The following ST6GALNAC3 variants were observed in gnomAD, a reference collection of about 807,000 sequenced individuals.
ST6GALNAC3 encodes ST6 N-acetylgalactosaminide alpha-2,6-sialyltransferase 3, also known as alpha-N-acetylgalactosaminide alpha-2,6-sialyltransferase 3.
Under a neutral mutation model 32.7 loss-of-function variants are expected in ST6GALNAC3, and 25 were observed. That is an observed-to-expected ratio of 0.76 (90% confidence interval 0.56 to 1.07). The LOEUF (loss-of-function observed/expected upper bound fraction) is 1.07. ST6GALNAC3 is among the 50% of genes least tolerant of loss of function. The probability of loss-of-function intolerance (pLI) is 0.00; values close to 1 mark genes in which losing one functional copy is unlikely to be tolerated. For missense variants in ST6GALNAC3, 355 were observed against 382.4 expected (o/e 0.93, Z 0.60); for synonymous variants, 129 against 133.1 (o/e 0.97, Z 0.21).
At chr1:76,536,444 T>G in intron 3 of ST6GALNAC3, among the ~76,000 whole-genome samples, 1 of 151,816 alleles carries the variant, frequency 6.6e-6, no homozygotes, top group East Asian at 1.9e-4. Flanking sequence ...GAAGGAGAAG[T>G]GCAAAGCAAA....
Position 76,156,974 on chromosome 1 carries a change from G to A in ST6GALNAC3, c.18+82090G>A, listed in dbSNP as rs574719258. On this transcript the variant is annotated intron_variant, in intron 1 of 4. Transcript: ENST00000328299. ...TCTCAATCTTCTGACCTCGTGATCT[G>A]CCCGCCTTGGCCTCCCAAAGTGCTG... is the stretch of plus-strand genomic sequence containing the variant. Among the ~76,000 whole-genome samples, 7 of 152,234 alleles carry A rather than the reference G, an allele frequency of 4.6e-5. No individual in the cohort carries two copies. The East Asian group carries it at 9.7e-4, about 21-fold the overall frequency.
chr1:76,553,409 A>T (rs1054283303), intron 3 of ST6GALNAC3, among the ~76,000 whole-genome samples: 2 of 152,146 alleles, frequency 1.3e-5, no homozygotes, highest in African/African-American at 4.8e-5. Flanking sequence ...ATCAGCCAAG[A>T]ATTTCTGGAG....
At position 76,257,647 on chromosome 1, in the gene ST6GALNAC3, C is replaced by T. The variant is rs573379854; in HGVS notation, c.19-56158C>T. 3.9e-5 allele frequency among the ~76,000 whole-genome samples: 6 copies of T among 152,206 alleles called. No individual in the cohort carries two copies. In the South Asian group the frequency reaches 8.3e-4, roughly 21 times the overall value. ...ATCTCTTCCCCATTTACTCTTTCATCGCCCCACTTTGGGTTCTTCTGCTCT... is the reference window on the plus strand; with the variant it reads ...ATCTCTTCCCCATTTACTCTTTCATTGCCCCACTTTGGGTTCTTCTGCTCT... On this transcript the variant is annotated intron_variant, in intron 1 of 4. Coordinates refer to ENST00000328299, the MANE Select transcript of ST6GALNAC3 (RefSeq NM_152996.4).
At chr1:76,270,922 A>C (rs950567292) in intron 1 of ST6GALNAC3, among the ~76,000 whole-genome samples, 1 of 152,184 alleles carries the variant, frequency 6.6e-6, no homozygotes, top group African/African-American at 2.4e-5. Context: ...AGAAATGTAG[A>C]ATTTTATTGT....
intron 2 of ST6GALNAC3, among the ~76,000 whole-genome samples, chr1:76,314,991 C>T (rs973039152): frequency 6.6e-6 from 1 of 152,054 alleles, no homozygotes; most frequent in Non-Finnish European, 1.5e-5. Flanking sequence ...TAGTCAATCT[C>T]ATATCTGAGT....
At chr1:76,149,460 C>T (rs1042228320) in intron 1 of ST6GALNAC3, among the ~76,000 whole-genome samples, 11 of 152,138 alleles carry the variant, frequency 7.2e-5, no homozygotes, top group Non-Finnish European at 1.2e-4. Flanking sequence ...CCCACTTCCC[C>T]GCCCCACCAG....
intron 2 of ST6GALNAC3, among the ~76,000 whole-genome samples, chr1:76,361,713 T>C (rs1471738082): frequency 6.6e-6 from 1 of 152,148 alleles, no homozygotes; most frequent in Non-Finnish European, 1.5e-5. Flanking sequence ...GCATGGTGGC[T>C]TATGCCTGTA....
intron 3 of ST6GALNAC3, among the ~76,000 whole-genome samples, chr1:76,623,368 C>T (rs1648764149): frequency 6.6e-6 from 1 of 151,896 alleles, no homozygotes; most frequent in African/African-American, 2.4e-5. Flanking sequence ...TTATTTTCCC[C>T]TGCATGGCCC....
At chr1:76,614,549 C>A (rs1296857286) in intron 3 of ST6GALNAC3, among the ~76,000 whole-genome samples, 1 of 151,848 alleles carries the variant, frequency 6.6e-6, no homozygotes, top group Admixed American at 6.6e-5. Context: ...GAAACCCCGC[C>A]TCTACTAACA....
intron 1 of ST6GALNAC3, among the ~76,000 whole-genome samples, chr1:76,156,372 C>G (rs1651424548): frequency 1.3e-5 from 2 of 152,132 alleles, no homozygotes; most frequent in South Asian, 4.1e-4. Context: ...ATATTCCACC[C>G]TCAGAGAGCA....
At chr1:76,535,750 G>A (rs797001607) in intron 3 of ST6GALNAC3, among the ~76,000 whole-genome samples, 7 of 152,114 alleles carry the variant, frequency 4.6e-5, no homozygotes, top group African/African-American at 1.7e-4. Flanking sequence ...CCAAATATTG[G>A]ATAAACCATT....
chr1:76,402,545 C>A (rs1321458047), intron 2 of ST6GALNAC3, among the ~76,000 whole-genome samples: 3 of 152,106 alleles, frequency 2.0e-5, no homozygotes, highest in Non-Finnish European at 4.4e-5. Flanking sequence ...CCTCTGTGTT[C>A]CAGAATATTA....
chr1:76,557,063 G>GT, intron 3 of ST6GALNAC3, among the ~76,000 whole-genome samples: 1 of 108,470 alleles, frequency 9.2e-6, no homozygotes, highest in South Asian at 2.6e-4. Context: ...TGAGGAAGGT[G>GT]TCTAACTTCA....
intron 1 of ST6GALNAC3, among the ~76,000 whole-genome samples, chr1:76,078,788 TA>T (rs1266983225): frequency 2.0e-5 from 3 of 151,986 alleles, no homozygotes. Flanking sequence ...TTATTATTAT[TA>T]TTTTTTTTTG....
At chr1:76,597,030 A>G (rs1474143556) in intron 3 of ST6GALNAC3, among the ~76,000 whole-genome samples, 1 of 152,204 alleles carries the variant, frequency 6.6e-6, no homozygotes, top group Non-Finnish European at 1.5e-5. Context: ...CATTCATAAA[A>G]GGGAAGAAAA....
Position 76,384,883 on chromosome 1 carries a change from T to G in ST6GALNAC3, c.214-27125T>G, listed in dbSNP as rs1325295. Reference sequence around the variant, plus strand: ...GCTCATTAACAGTGGAATGAAAAAATTATATGTCAAAATGATACATCATAT... The same window carrying G: ...GCTCATTAACAGTGGAATGAAAAAAGTATATGTCAAAATGATACATCATAT... On this transcript the variant is annotated intron_variant, in intron 2 of 4. Coordinates refer to ENST00000328299, the MANE Select transcript of ST6GALNAC3 (RefSeq NM_152996.4). Among the ~76,000 whole-genome samples, 341 of 152,084 alleles carry G rather than the reference T, an allele frequency of 2.2e-3. 3 individuals carry two copies. The highest frequency in any genetic ancestry group is 7.8e-3 in the African/African-American group (325 of 41,512).
intron 1 of ST6GALNAC3, among the ~76,000 whole-genome samples, chr1:76,191,773 T>G (rs899607673): frequency 3.9e-5 from 6 of 152,122 alleles, no homozygotes; most frequent in Admixed American, 1.3e-4. Context: ...CTAAAGTGGA[T>G]GAATGACACT....
At chr1:76,345,158 C>T (rs543140147) in intron 2 of ST6GALNAC3, among the ~76,000 whole-genome samples, 1 of 152,270 alleles carries the variant, frequency 6.6e-6, no homozygotes, top group East Asian at 1.9e-4. Flanking sequence ...CACCATCACC[C>T]TGCTTGTGGG....
chr1:76,251,089 T>G (rs1194571084), intron 1 of ST6GALNAC3, among the ~76,000 whole-genome samples: 1 of 152,088 alleles, frequency 6.6e-6, no homozygotes. Context: ...AAACTTCTCC[T>G]ACCCTTTTTT....
Sources: gnomAD v4.1 joint callset for allele counts (sites outside exome capture counted in the v4.1 genomes callset) on GRCh38, gnomAD v4.1.1 for gene constraint, MANE v1.5 for transcripts, NCBI Gene and HGNC (gene_info 2026-07-23, HGNC 2026-07-21) for gene names.